CCDC171: variants seen among roughly 807,000 people sequenced by gnomAD.
CCDC171 encodes the protein coiled-coil domain containing 171, also known as coiled-coil domain-containing protein 171.
In CCDC171, 177 loss-of-function variants were observed where a neutral mutation model predicts 168.2. The observed-to-expected ratio is 1.05, with a 90% confidence interval of 0.93 to 1.19. The LOEUF is 1.19. Among genes scored for constraint, CCDC171 ranks in the 50% most tolerant of loss-of-function variants. The probability of loss-of-function intolerance (pLI) is 0.00; values close to 1 mark genes in which losing one functional copy is unlikely to be tolerated. For missense variants in CCDC171, 1,991 were observed against 1,539.0 expected, an observed-to-expected ratio of 1.29 and a Z score of -4.91; for synonymous variants, 687 against 540.8, an observed-to-expected ratio of 1.27 and a Z score of -3.75.
intron 25 of CCDC171, among the ~76,000 whole-genome samples, chr9:15,967,362 A>G (rs181257763): frequency 6.6e-6 from 1 of 152,336 alleles, no homozygotes; most frequent in African/African-American, 2.4e-5. Flanking sequence ...AGTAATGAAA[A>G]GAGTACTATA....
chr9:15,642,343 G>GTGTGTATATA (rs1369419679), intron 7 of CCDC171, among the ~76,000 whole-genome samples: 28 of 107,516 alleles, frequency 2.6e-4, no homozygotes, highest in African/African-American at 1.1e-3. Context: ...GTGTGTGTGT[G>GTGTGTATATA]TATATATATA....
At chr9:15,573,697 G>GT (rs1316519707) in intron 3 of CCDC171, among the ~76,000 whole-genome samples, 1 of 152,106 alleles carries the variant, frequency 6.6e-6, no homozygotes, top group African/African-American at 2.4e-5. Context: ...TCTAAAACTT[G>GT]TTTTTTTAAA....
chr9:15,813,517 C>T (rs1460169272), intron 21 of CCDC171, among the ~76,000 whole-genome samples: 2 of 152,138 alleles, frequency 1.3e-5, no homozygotes, highest in Non-Finnish European at 2.9e-5. Context: ...CCACAACCAA[C>T]AGTTTTGGTT....
At chr9:16,093,556 A>G in the CCDC171 span, among the ~76,000 whole-genome samples, 1 of 152,198 alleles carries the variant, frequency 6.6e-6, no homozygotes, top group Non-Finnish European at 1.5e-5. Flanking sequence ...GTGAAGAAAG[A>G]AGGAGAAAAG....
At chr9:15,714,413 G>T (rs1261182987) in intron 11 of CCDC171, among the ~76,000 whole-genome samples, 1 of 152,076 alleles carries the variant, frequency 6.6e-6, no homozygotes, top group Non-Finnish European at 1.5e-5. Flanking sequence ...CTATGGGGTG[G>T]GTTCAGGTAC....
At chr9:15,631,491 A>G (rs552195332) in intron 7 of CCDC171, among the ~76,000 whole-genome samples, 42 of 152,338 alleles carry the variant, frequency 2.8e-4, no homozygotes, top group African/African-American at 9.6e-4. Flanking sequence ...GACCTTCTGA[A>G]TAGACCAATA....
chr9:15,699,755 CA>C (rs1420145033), intron 11 of CCDC171, among the ~76,000 whole-genome samples: 6 of 151,156 alleles, frequency 4.0e-5, no homozygotes, highest in Non-Finnish European at 7.4e-5. Flanking sequence ...GGTGTATTTA[CA>C]ATCCCTGAGC....
intron 3 of CCDC171, among the ~76,000 whole-genome samples, chr9:16,012,835 G>T (rs943362682): frequency 6.6e-6 from 1 of 152,140 alleles, no homozygotes; most frequent in Admixed American, 6.6e-5. Flanking sequence ...GCATTGCTGT[G>T]CATGGGTGGA....
intron 21 of CCDC171, among the ~76,000 whole-genome samples, chr9:15,839,797 A>G (rs2060598058): frequency 6.6e-6 from 1 of 152,160 alleles, no homozygotes; most frequent in Non-Finnish European, 1.5e-5. Context: ...GCTGTCTAGA[A>G]TTTTTTCCCC....
chr9:15,699,418 G>T (rs2051498361), intron 11 of CCDC171, among the ~76,000 whole-genome samples: 1 of 152,160 alleles, frequency 6.6e-6, no homozygotes, highest in Non-Finnish European at 1.5e-5. Flanking sequence ...TGTGGAAGGG[G>T]ACCCGAGCGG....
At chr9:15,818,282 G>C (rs2059634859) in intron 21 of CCDC171, among the ~76,000 whole-genome samples, 1 of 117,734 alleles carries the variant, frequency 8.5e-6, no homozygotes, top group Non-Finnish European at 1.9e-5. Flanking sequence ...GTAAAAAACA[G>C]AGTGCCTCTC....
chr9:15,554,578 G>A (rs1403796849), intron 1 of CCDC171, among the ~76,000 whole-genome samples: 1 of 152,142 alleles, frequency 6.6e-6, no homozygotes, highest in Non-Finnish European at 1.5e-5. Context: ...AAGGAGGAAG[G>A]ACTTAGTCTC....
intron 3 of CCDC171, among the ~76,000 whole-genome samples, chr9:15,574,162 A>G (rs1028706877): frequency 6.7e-6 from 1 of 148,886 alleles, no homozygotes; most frequent in African/African-American, 2.5e-5. Flanking sequence ...TTTTTTTGAG[A>G]CAGAGTCTCA....
At chr9:16,055,191 G>A (rs1288055825) in intron 1 of CCDC171, among the ~76,000 whole-genome samples, 3 of 152,194 alleles carry the variant, frequency 2.0e-5, no homozygotes, top group African/African-American at 7.2e-5. Flanking sequence ...CTGTAGTAGG[G>A]GCAGAGATTT....
intron 24 of CCDC171, among the ~76,000 whole-genome samples, chr9:15,895,363 T>G (rs1820770808): frequency 6.6e-6 from 1 of 152,116 alleles, no homozygotes; most frequent in Non-Finnish European, 1.5e-5. Context: ...TCAAAGTAAC[T>G]GTGATCTCCA....
chr9:15,656,773 T>G (rs531823127), intron 7 of CCDC171, among the ~76,000 whole-genome samples: 3 of 152,140 alleles, frequency 2.0e-5, no homozygotes, highest in Non-Finnish European at 4.4e-5. Flanking sequence ...CCAAGAGACA[T>G]AAGGAATCTT....
chr9:15,688,226 AT>A (rs1265236704), intron 10 of CCDC171, among the ~76,000 whole-genome samples: 1 of 152,126 alleles, frequency 6.6e-6, no homozygotes, highest in Non-Finnish European at 1.5e-5. Context: ...TGAATTAGTA[AT>A]CAAAAAAACT....
At chr9:15,811,853 C>T (rs999093468) in intron 21 of CCDC171, among the ~76,000 whole-genome samples, 2 of 151,996 alleles carry the variant, frequency 1.3e-5, no homozygotes, top group African/African-American at 4.8e-5. Flanking sequence ...GTAACCAGTA[C>T]CTAAAGTGTG....
In CCDC171 at chr9:15,820,269, C is replaced by A. The variant is rs1185919655; in HGVS notation, c.3268-26433C>A. ...ATCTAAAATCGACACCCTAACATCA[C>A]AATTAAAAGAACTAGAGAAGCAAGA... On this transcript the variant is annotated intron_variant, in intron 21 of 25. Coordinates refer to ENST00000380701, the MANE Select transcript of CCDC171 (RefSeq NM_173550.4). Among the ~76,000 whole-genome samples the A allele has an allele frequency of 7.3e-4, 85 of 116,456 alleles. 29 individuals are homozygous for A. The highest frequency in any genetic ancestry group is 1.6e-3 in the Non-Finnish European group (83 of 52,096). 76.4% of individuals were successfully genotyped at this position (116,456 alleles called of 152,430 possible).
Sources: allele counts gnomAD v4.1 joint callset (sites outside exome capture counted in the v4.1 genomes callset), GRCh38; gene constraint gnomAD v4.1.1; transcripts MANE v1.5; gene names NCBI Gene and HGNC (gene_info 2026-07-23, HGNC 2026-07-21).